RAD51B: variants seen among roughly 807,000 people sequenced by gnomAD.
RAD51B encodes DNA repair protein RAD51 homolog 2.
Under a neutral mutation model 42.2 loss-of-function variants are expected in RAD51B, and 38 were observed. That is an observed-to-expected ratio of 0.90 (90% CI 0.70 to 1.18). The LOEUF (loss-of-function observed/expected upper bound fraction) is 1.18, where lower values mean the gene tolerates loss of function less well. Among genes scored for constraint, RAD51B ranks in the 50% most tolerant of loss-of-function variants. RAD51B has a pLI of 0.00. For synonymous variants in RAD51B, 154 were observed against 145.2 expected (o/e 1.06, Z -0.43); for missense variants, 373 against 400.7 (o/e 0.93, Z 0.59).
intron 1 of RAD51B, among the ~76,000 whole-genome samples, chr14:67,820,510 C>T (rs58112975): frequency 6.6e-6 from 1 of 152,088 alleles, no homozygotes. Context: ...CCCTCATGTG[C>T]AATACACATA....
chr14:68,470,506 G>C, intron 10 of RAD51B: 1 of 488,252 alleles, frequency 2.0e-6, no homozygotes, highest in East Asian at 4.9e-5. Flanking sequence ...AAAATCTCTG[G>C]GCCTTGCTTT....
intron 11 of RAD51B, among the ~76,000 whole-genome samples, chr14:68,661,967 T>C (rs1443638168): frequency 6.6e-6 from 1 of 152,250 alleles, no homozygotes; most frequent in Non-Finnish European, 1.5e-5. Context: ...CTCTCTTATT[T>C]ATCTCTTCTG....
At chr14:68,041,485 A>G (rs1214261301) in intron 7 of RAD51B, among the ~76,000 whole-genome samples, 3 of 152,148 alleles carry the variant, frequency 2.0e-5, no homozygotes, top group Non-Finnish European at 4.4e-5. Flanking sequence ...TTTCTCTCCT[A>G]AAGTCATAAT....
At chr14:67,921,810 T>G (rs2044336195) in intron 7 of RAD51B, among the ~76,000 whole-genome samples, 1 of 152,150 alleles carries the variant, frequency 6.6e-6, no homozygotes, top group Non-Finnish European at 1.5e-5. Flanking sequence ...GGTTTTCTCC[T>G]GGTACTTCAG....
intron 7 of RAD51B, among the ~76,000 whole-genome samples, chr14:68,019,253 A>G (rs2075825249): frequency 6.6e-6 from 1 of 152,196 alleles, no homozygotes; most frequent in African/African-American, 2.4e-5. Context: ...CCTACAGAGT[A>G]CCGCTGCAGT....
At chr14:67,966,044 A>G (rs868133470) in intron 7 of RAD51B, among the ~76,000 whole-genome samples, 3 of 152,218 alleles carry the variant, frequency 2.0e-5, no homozygotes, top group Non-Finnish European at 4.4e-5. Flanking sequence ...TATACAGCCA[A>G]GAGTTAGCAT....
At chr14:68,326,930 TCAAG>T in intron 8 of RAD51B, among the ~76,000 whole-genome samples, 1 of 151,874 alleles carries the variant, frequency 6.6e-6, no homozygotes, top group Non-Finnish European at 1.5e-5. Flanking sequence ...AGACCTTCCA[TCAAG>T]AGGCACAGCC....
intron 11 of RAD51B, among the ~76,000 whole-genome samples, chr14:68,674,983 C>G (rs1428094395): frequency 6.6e-6 from 1 of 152,196 alleles, no homozygotes; most frequent in Admixed American, 6.5e-5. Flanking sequence ...TTAAAATCTT[C>G]CTTTAAAGTG....
chr14:68,186,507 A>G (rs529584830), intron 7 of RAD51B, among the ~76,000 whole-genome samples: 1 of 152,330 alleles, frequency 6.6e-6, no homozygotes, highest in East Asian at 1.9e-4. Flanking sequence ...AACTTATTGA[A>G]CAGTTGAACA....
At chr14:68,479,667 CTTTTTTT>C (rs34999023), downstream of RAD51B, among the ~76,000 whole-genome samples, 1 of 96,440 alleles carries the variant, frequency 1.0e-5, no homozygotes, top group South Asian at 3.4e-4. Context: ...TCTTATTCTT[CTTTTTTT>C]TTTTTTTTTT....
intron 7 of RAD51B, among the ~76,000 whole-genome samples, chr14:68,143,021 G>A (rs376273834): frequency 4.1e-5 from 6 of 146,670 alleles, no homozygotes; most frequent in Admixed American, 1.3e-4. Flanking sequence ...GCGAGGGGGT[G>A]GGGGGGGAGT....
chr14:67,864,976 T>C (rs1485220794), intron 4 of RAD51B, 27 bp from the exon 5 acceptor site: 1 of 1,146,258 alleles, frequency 8.7e-7, no homozygotes, highest in Non-Finnish European at 1.1e-6. Context: ...TTTTTTTTTT[T>C]TTTTTTTTTT....
chr14:68,672,050 G>A (rs1423170395), intron 11 of RAD51B, among the ~76,000 whole-genome samples: 1 of 152,156 alleles, frequency 6.6e-6, no homozygotes, highest in Non-Finnish European at 1.5e-5. Context: ...GCTAAACAAT[G>A]TTCACTTTAC....
intron 8 of RAD51B, among the ~76,000 whole-genome samples, chr14:68,329,875 G>A (rs747783203): frequency 6.6e-6 from 1 of 151,910 alleles, no homozygotes; most frequent in South Asian, 2.1e-4. Flanking sequence ...CCAGCTACTC[G>A]GGAGGCTGAG....
At chr14:68,515,949 G>A (rs368589071) in intron 10 of RAD51B, among the ~76,000 whole-genome samples, 3 of 151,644 alleles carry the variant, frequency 2.0e-5, no homozygotes, top group South Asian at 4.2e-4. Flanking sequence ...CCATGCCCGG[G>A]TAATTTTTTG....
intron 8 of RAD51B, chr14:68,339,628 C>T (rs147651440): frequency 4.8e-4 from 105 of 220,626 alleles, no homozygotes; most frequent in African/African-American, 1.8e-3. Context: ...ATGATATTTT[C>T]GCCTTTAAAG....
intron 7 of RAD51B, among the ~76,000 whole-genome samples, chr14:68,073,070 A>G (rs970198002): frequency 6.6e-6 from 1 of 152,046 alleles, no homozygotes; most frequent in African/African-American, 2.4e-5. Flanking sequence ...TGTCAAGTTT[A>G]AGTCTCCAAT....
chr14:68,419,180 C>T (rs537627080), intron 9 of RAD51B, among the ~76,000 whole-genome samples: 11 of 152,190 alleles, frequency 7.2e-5, no homozygotes, highest in East Asian at 3.9e-4. Flanking sequence ...TTACAGATGG[C>T]GGTAAGCAAT....
chr14:68,154,344 A>G (rs1379024260), intron 7 of RAD51B, among the ~76,000 whole-genome samples: 2 of 152,196 alleles, frequency 1.3e-5, no homozygotes, highest in African/African-American at 4.8e-5. Flanking sequence ...TGAGTATTCT[A>G]TCCAATGCTT....
Sources: gnomAD v4.1 joint callset for allele counts (sites outside exome capture counted in the v4.1 genomes callset) on GRCh38, gnomAD v4.1.1 for gene constraint, MANE v1.5 for transcripts, NCBI Gene and HGNC (gene_info 2026-07-23, HGNC 2026-07-21) for gene names.